The following PIK3R3 variants were observed in gnomAD, a reference collection of about 807,000 sequenced individuals.
PIK3R3 encodes phosphoinositide-3-kinase regulatory subunit 3.
PIK3R3 carries 64 observed loss-of-function variants against 62.9 expected under a neutral mutation model. That is an observed-to-expected ratio of 1.02 (90% CI 0.83 to 1.25). The LOEUF (loss-of-function observed/expected upper bound fraction) is 1.25, where lower values mean the gene tolerates loss of function less well. Ranked by LOEUF, PIK3R3 falls within the 50% of genes most tolerant of loss-of-function variation. PIK3R3 has a pLI of 0.00. For synonymous variants in PIK3R3, 165 were observed against 189.0 expected (o/e 0.87, Z 1.04); for missense variants, 614 against 561.6 (o/e 1.09, Z -0.94).
chr1:46,140,769 A>G, the PIK3R3 span, among the ~76,000 whole-genome samples: 1 of 152,068 alleles, frequency 6.6e-6, no homozygotes, highest in Admixed American at 6.5e-5. Context: ...CCCTGCCAAC[A>G]CCTTGTTTTG....
At chr1:46,162,091 C>CAAAA in the PIK3R3 span, among the ~76,000 whole-genome samples, 1 of 58,134 alleles carries the variant, frequency 1.7e-5, no homozygotes, top group Non-Finnish European at 3.6e-5. Flanking sequence ...GACTCCGTCT[C>CAAAA]AAAAAAAAAA....
chr1:46,094,488 A>G (rs569295319), intron 1 of PIK3R3, among the ~76,000 whole-genome samples: 1 of 152,370 alleles, frequency 6.6e-6, no homozygotes, highest in East Asian at 1.9e-4. Flanking sequence ...GAGAAAAAAG[A>G]CAAAAAACAT....
intron 6 of PIK3R3, 97 bp downstream of exon 6, chr1:46,061,832 G>A: frequency 9.1e-7 from 1 of 1,100,504 alleles, no homozygotes; most frequent in Admixed American, 1.9e-5. Flanking sequence ...GTAGGGCTGT[G>A]CAGTTTGAGG....
chr1:46,097,659 G>T (rs951534505), intron 1 of PIK3R3, among the ~76,000 whole-genome samples: 17 of 151,830 alleles, frequency 1.1e-4, no homozygotes, highest in African/African-American at 4.1e-4. Context: ...AGGCCGAGGC[G>T]GGTGGATCAC....
intron 6 of PIK3R3, among the ~76,000 whole-genome samples, chr1:46,059,142 G>A (rs1387753987): frequency 6.6e-6 from 1 of 152,220 alleles, no homozygotes; most frequent in Non-Finnish European, 1.5e-5. Context: ...TTTGCCTGCT[G>A]CCATCCATGT....
intron 1 of PIK3R3, among the ~76,000 whole-genome samples, chr1:46,089,195 A>C (rs1651371897): frequency 6.6e-6 from 1 of 152,206 alleles, no homozygotes; most frequent in Non-Finnish European, 1.5e-5. Context: ...CCAACACAAG[A>C]GAGAAGCAAT....
upstream of PIK3R3, among the ~76,000 whole-genome samples, chr1:46,135,546 T>C (rs1199106248): frequency 2.0e-5 from 3 of 152,230 alleles, no homozygotes; most frequent in African/African-American, 7.2e-5. Context: ...TGGTATGGTT[T>C]TTTTCTGCAA....
At chr1:46,067,271 T>C (rs1649096616) in intron 3 of PIK3R3, among the ~76,000 whole-genome samples, 180 bp from the exon 4 acceptor site, 1 of 147,424 alleles carries the variant, frequency 6.8e-6, no homozygotes, top group Non-Finnish European at 1.5e-5. Flanking sequence ...TATATATATA[T>C]ATATATAATT....
rs542917291 is a variant in PIK3R3 at position 46,108,885 on chromosome 1, C to T, written c.106+22962G>A. Among the ~76,000 whole-genome samples, 4 of 152,292 alleles carry T rather than the reference C, an allele frequency of 2.6e-5. No individual in the cohort carries two copies. In the South Asian group the frequency reaches 8.3e-4, roughly 32 times the overall value. ...AAAAAAATTATGTTTCTCGGCCAGG[C>T]GCGGTGGCTCACGCCTGTAATCCCA... On this transcript the variant is annotated intron_variant, in intron 1 of 9. Transcript: ENST00000262741.
intron 7 of PIK3R3, among the ~76,000 whole-genome samples, 157 bp downstream of exon 7, chr1:46,055,638 C>T (rs1458433047): frequency 6.6e-6 from 1 of 152,188 alleles, no homozygotes; most frequent in Non-Finnish European, 1.5e-5. Context: ...TCTGGTACCC[C>T]CTACAACTAC....
chr1:46,130,796 G>A (rs541279762), intron 1 of PIK3R3, among the ~76,000 whole-genome samples: 2 of 152,170 alleles, frequency 1.3e-5, no homozygotes, highest in Admixed American at 1.3e-4. Context: ...ACAGAAACAA[G>A]GAGTCACAAA....
At chr1:46,153,252 A>G in the PIK3R3 span, among the ~76,000 whole-genome samples, 1 of 152,164 alleles carries the variant, frequency 6.6e-6, no homozygotes. Flanking sequence ...TTTTTACCCA[A>G]CTTACTCTAG....
chr1:46,153,055 C>T, the PIK3R3 span, among the ~76,000 whole-genome samples: 25 of 152,286 alleles, frequency 1.6e-4, no homozygotes, highest in South Asian at 1.2e-3. Flanking sequence ...TCTACCTCCA[C>T]GTGCAAATTT....
chr1:46,056,672 T>C (rs576003611), intron 6 of PIK3R3: 3 of 152,364 alleles, frequency 2.0e-5, no homozygotes, highest in African/African-American at 7.2e-5. Flanking sequence ...AAATTATGAA[T>C]ATGCAGTTCT....
At chr1:46,110,276 T>G (rs899501107) in intron 1 of PIK3R3, among the ~76,000 whole-genome samples, 1 of 16,700 alleles carries the variant, frequency 6.0e-5, no homozygotes, top group East Asian at 1.8e-3. Context: ...CAGGCTTGGC[T>G]TTTTTTTTTT....
chr1:46,064,365 C>A (rs542211229), intron 5 of PIK3R3, among the ~76,000 whole-genome samples: 1 of 151,838 alleles, frequency 6.6e-6, no homozygotes, highest in Admixed American at 6.6e-5. Flanking sequence ...ACATGATGAA[C>A]CCCTGTCTCT....
rs1308153778 is a variant in PIK3R3, at chr1:46,041,948, C to G, written c.*1725G>C. 9.1e-6 allele frequency: 2 copies of G among 218,588 alleles called. No homozygotes were observed. Among genetic ancestry groups the G allele is most frequent in the East Asian group, 1.3e-4 (2 of 14,854 alleles). 13.5% of individuals were successfully genotyped at this position (218,588 alleles called of 1,614,324 possible). On this transcript the variant is annotated 3_prime_UTR_variant, in exon 10 of 10. Coordinates refer to ENST00000262741, the MANE Select transcript of PIK3R3 (RefSeq NM_003629.4). ...TTAGACCCTGTCATGGAAATAAGTG[C>G]TCAGGTAAACTAATATTTTTCTTTC...
intron 1 of PIK3R3, among the ~76,000 whole-genome samples, chr1:46,084,937 C>T (rs138614900): frequency 3.3e-5 from 5 of 152,122 alleles, no homozygotes; most frequent in Admixed American, 3.3e-4. Flanking sequence ...CACCTTCAAA[C>T]GGTGTTATGG....
At position 46,132,564 on chromosome 1, in the gene PIK3R3, G is replaced by A. The variant is rs1037474864; in HGVS notation, c.-612C>T. On this transcript the variant is annotated 5_prime_UTR_variant, in exon 1 of 10. Coordinates refer to ENST00000262741, the MANE Select transcript of PIK3R3 (RefSeq NM_003629.4). ...CGGAGAAGTCCAGTCAGCTCGGCTT[G>A]TCTGGGCGCTCCCGCCGGGGTGTAA... 2.4e-5 allele frequency: 31 copies of A among 1,282,146 alleles called. No individual in the cohort carries two copies. Among genetic ancestry groups the A allele is most frequent in the Middle Eastern group, 2.2e-4 (1 of 4,538 alleles). The allele number at this position is 1,282,146 out of a possible 1,614,324, so 79.4% of individuals were successfully genotyped here.
Sources: gnomAD v4.1 joint callset for allele counts (sites outside exome capture counted in the v4.1 genomes callset) on GRCh38, gnomAD v4.1.1 for gene constraint, MANE v1.5 for transcripts, NCBI Gene and HGNC (gene_info 2026-07-23, HGNC 2026-07-21) for gene names.